The following ANKRD36B variants were observed in gnomAD, a reference collection of about 807,000 sequenced individuals.
ANKRD36B encodes ankyrin repeat domain 36B, also known as ankyrin repeat domain-containing protein 36B.
Under a neutral mutation model 135.7 loss-of-function variants are expected in ANKRD36B, and 37 were observed. The observed-to-expected ratio is 0.27, with a 90% CI of 0.21 to 0.36. The LOEUF (loss-of-function observed/expected upper bound fraction) is 0.36. Among genes scored for constraint, ANKRD36B ranks in the 10% least tolerant of loss-of-function variants. The pLI is 1.00. For synonymous variants in ANKRD36B, 179 were observed against 348.1 expected (o/e 0.51, Z 5.41); for missense variants, 549 against 1,037.1 (o/e 0.53, Z 6.46).
At chr2:97,546,501 A>G (rs1348169558) in intron 22 of ANKRD36B, among the ~76,000 whole-genome samples, 1 of 151,666 alleles carries the variant, frequency 6.6e-6, no homozygotes, top group African/African-American at 2.4e-5. Flanking sequence ...ACTTCTGAAA[A>G]TTTCTTCATC....
intron 14 of ANKRD36B, 30 bp from the exon 15 acceptor site, chr2:97,553,401 C>T: frequency 6.2e-7 from 1 of 1,600,320 alleles, no homozygotes; most frequent in Non-Finnish European, 8.5e-7. Context: ...CATAATCACT[C>T]ATATGTAAAT....
intron 43 of ANKRD36B, among the ~76,000 whole-genome samples, chr2:97,493,959 T>C (rs1191038118): frequency 9.6e-6 from 1 of 103,836 alleles, no homozygotes; most frequent in African/African-American, 2.7e-5. Context: ...GTATTCTATG[T>C]ACCTCAACAG....
At chr2:97,551,254 C>T (rs567102980) in intron 18 of ANKRD36B, 35 bp downstream of exon 18, 10 of 1,538,826 alleles carry the variant, frequency 6.5e-6, no homozygotes, top group South Asian at 1.2e-5. Flanking sequence ...CTTATCTGGA[C>T]TGAACATGAC....
chr2:97,541,802 T>C lies in ANKRD36B; in HGVS notation c.1885+109A>G, dbSNP rs2079162973. ...TATTACAAATGAAGAATCTCAGGCA[T>C]GCTGAATCCAAACATAAAGCTTCAA... is the stretch of plus-strand genomic sequence containing the variant. On this transcript the variant is annotated intron_variant, in intron 28 of 43. Coordinates refer to ENST00000359901, the MANE Select transcript of ANKRD36B (RefSeq NM_001393939.1). 5.9e-5 allele frequency: 52 copies of C among 881,274 alleles called. 10 individuals carry two copies. In the South Asian group the frequency reaches 6.3e-4, roughly 11 times the overall value. The allele number at this position is 881,274 out of a possible 1,614,324, so 54.6% of individuals were successfully genotyped here.
intron 1 of ANKRD36B, among the ~76,000 whole-genome samples, chr2:97,587,100 G>C (rs1400556720): frequency 2.0e-5 from 3 of 152,182 alleles, no homozygotes. Context: ...ACTTGAACCT[G>C]AGAGGCAGAT....
At chr2:97,563,278 A>G (rs972876022) in intron 6 of ANKRD36B, among the ~76,000 whole-genome samples, 2 of 151,924 alleles carry the variant, frequency 1.3e-5, no homozygotes, top group African/African-American at 4.8e-5. Context: ...TGAAGCACTG[A>G]CATAATTTTT....
rs868783834 is a variant in ANKRD36B, at chr2:97,529,851, C to G, written c.2265+2460G>C. 1.6e-4 allele frequency among the ~76,000 whole-genome samples: 15 copies of G among 95,014 alleles called. 3 individuals are homozygous for G. The highest frequency in any genetic ancestry group is 4.4e-4 in the African/African-American group (14 of 31,576). 62.3% of individuals were successfully genotyped at this position (95,014 alleles called of 152,430 possible). On this transcript the variant is annotated intron_variant, in intron 35 of 43. Transcript: ENST00000359901. ...ACCTAGGAATCCAACTTACAAGGGA[C>G]GTGAAGGACCTCTTCAAGGAGAACT...
rs1294754311 is a variant in ANKRD36B at position 97,578,984 on chromosome 2, T to C, written c.617A>G (p.Gln206Arg). The change falls in exon 5 of 44, where the codon CAG (glutamine) becomes CGG (arginine). Residue 206 changes from glutamine to arginine, a missense_variant. Transcript: ENST00000359901. ...TCGAGAAAACACATCAATATTGTGC[T>C]GCAGAAGAAGAATGACTATATCTTT... ...GEKDIVILLLQHNIDVFSRDV... is the reference protein window; with the variant it reads ...GEKDIVILLLRHNIDVFSRDV... 1.2e-6 allele frequency: 2 copies of C among 1,612,784 alleles called. No homozygotes were observed. The highest frequency in any genetic ancestry group is 2.7e-5 in the African/African-American group (2 of 74,884).
intron 6 of ANKRD36B, among the ~76,000 whole-genome samples, chr2:97,563,993 A>AT (rs199731489): frequency 0.55 from 83,552 of 150,758 alleles, 24,708 homozygotes; most frequent in Non-Finnish European, 0.67. Context: ...GATAGATCTG[A>AT]AATATATATC....
At position 97,580,500 on chromosome 2, in the gene ANKRD36B, C is replaced by T. The variant is rs1234095139; in HGVS notation, c.519G>A (p.Lys173=). 1.0e-5 allele frequency: 16 copies of T among 1,547,850 alleles called. No homozygotes were observed. Among genetic ancestry groups the T allele is most frequent in the Non-Finnish European group, 1.3e-5 (15 of 1,144,510 alleles). Residue 173 remains lysine, a synonymous_variant, in exon 4 of 44, where the codon AAG becomes AAA. Coordinates refer to ENST00000359901, the MANE Select transcript of ANKRD36B (RefSeq NM_001393939.1). The part of the protein sequence containing the change: ...RKVKMVEFLL[K]KKANVNAIDY... ...CAATGGCATTTACATTTGCTTTTTTCTTTAATAAAAATTCCACCATTTTCA... is the reference window on the plus strand; with the variant it reads ...CAATGGCATTTACATTTGCTTTTTTTTTTAATAAAAATTCCACCATTTTCA...
chr2:97,555,290 T>C, intron 12 of ANKRD36B, 36 bp from the exon 13 acceptor site: 1 of 1,608,638 alleles, frequency 6.2e-7, no homozygotes, highest in South Asian at 1.1e-5. Context: ...CACTCATATG[T>C]AAATATGATA....
At chr2:97,551,227 T>C (rs866242465) in intron 18 of ANKRD36B, 62 bp downstream of exon 18, 1 of 1,528,050 alleles carries the variant, frequency 6.5e-7, no homozygotes, top group South Asian at 1.2e-5. Context: ...CACTGATTTA[T>C]TCGGGGAAGA....
intron 6 of ANKRD36B, among the ~76,000 whole-genome samples, chr2:97,568,884 A>G (rs535227614): frequency 6.6e-6 from 1 of 152,338 alleles, no homozygotes; most frequent in Non-Finnish European, 1.5e-5. Context: ...GAACCTAGTT[A>G]TAAGTGAGTC....
At chr2:97,553,646 T>C (rs1213261227) in intron 14 of ANKRD36B, among the ~76,000 whole-genome samples, 1 of 151,962 alleles carries the variant, frequency 6.6e-6, no homozygotes, top group Admixed American at 6.6e-5. Context: ...AAAAAGGGTA[T>C]GCCAAGTGAT....
At chr2:97,575,551 T>C (rs919092209) in intron 6 of ANKRD36B, among the ~76,000 whole-genome samples, 3 of 148,952 alleles carry the variant, frequency 2.0e-5, no homozygotes, top group Non-Finnish European at 3.0e-5. Flanking sequence ...CTGTACCTCT[T>C]TTCTGCTTCT....
chr2:97,579,678 G>T (rs1450687418), intron 4 of ANKRD36B, among the ~76,000 whole-genome samples: 76 of 129,716 alleles, frequency 5.9e-4, no homozygotes, highest in African/African-American at 2.0e-3. Context: ...AATATATATT[G>T]TATATATTAT....
chr2:97,546,782 C>T (rs563602249), intron 22 of ANKRD36B, among the ~76,000 whole-genome samples: 149 of 151,600 alleles, frequency 9.8e-4, no homozygotes, highest in Middle Eastern at 3.4e-3. Context: ...AAGAGGTAGC[C>T]CCTTGAACAA....
intron 18 of ANKRD36B, among the ~76,000 whole-genome samples, chr2:97,550,942 G>A (rs961500726): frequency 6.6e-6 from 1 of 151,884 alleles, no homozygotes; most frequent in Non-Finnish European, 1.5e-5. Flanking sequence ...GCACTACGAT[G>A]TGACGTCTGT....
At position 97,545,828 on chromosome 2, in the gene ANKRD36B, A is replaced by G. The variant is rs1411929743; in HGVS notation, c.1608+5T>C. The G allele has an allele frequency of 2.1e-6, 2 of 961,750 alleles. 1 individual carries two copies. Among genetic ancestry groups the G allele is most frequent in the Non-Finnish European group, 3.2e-6 (2 of 634,326 alleles). 59.6% of individuals were successfully genotyped at this position (961,750 alleles called of 1,614,324 possible). On this transcript the variant is annotated splice_donor_5th_base_variant and intron_variant, in intron 23 of 43. Coordinates refer to ENST00000359901, the MANE Select transcript of ANKRD36B (RefSeq NM_001393939.1). Reference sequence around the variant, plus strand: ...AGTTCAAAATACAAAAGAGAGTTTAATTACCTTCAAGGATGGTTGTTTATG... The same window carrying G: ...AGTTCAAAATACAAAAGAGAGTTTAGTTACCTTCAAGGATGGTTGTTTATG...
Sources: allele counts gnomAD v4.1 joint callset (sites outside exome capture counted in the v4.1 genomes callset), GRCh38; gene constraint gnomAD v4.1.1; transcripts MANE v1.5; gene names NCBI Gene and HGNC (gene_info 2026-07-23, HGNC 2026-07-21).